The following IFT46 variants were observed in gnomAD, a reference collection of about 807,000 sequenced individuals.
The protein encoded by IFT46 is intraflagellar transport protein 46 homolog.
Under a neutral mutation model 39.6 loss-of-function variants are expected in IFT46, and 19 were observed. The ratio of observed to expected loss-of-function variants is 0.48; its 90% CI spans 0.33 to 0.70. The LOEUF (loss-of-function observed/expected upper bound fraction) is 0.70. IFT46 is among the 30% of genes least tolerant of loss of function. The pLI, the probability that IFT46 is intolerant of heterozygous loss-of-function variation, is 0.01. For synonymous variants in IFT46, 117 were observed against 134.8 expected (o/e 0.87, Z 0.91); for missense variants, 334 against 364.8 (o/e 0.92, Z 0.69).
At chr11:118,568,692 G>T (rs1457862220), upstream of IFT46, among the ~76,000 whole-genome samples, 1 of 150,876 alleles carries the variant, frequency 6.6e-6, no homozygotes, top group Non-Finnish European at 1.5e-5. Flanking sequence ...TTTGAGACAG[G>T]GTCTCACTCT....
rs1204808569 is a variant in IFT46 at position 118,559,706 on chromosome 11, T to C, written c.45+79A>G. On this transcript the variant is annotated intron_variant, in intron 3 of 11. Transcript: ENST00000264021. ...TGGAGGTGAGTGTTCAAGAAATGTT[T>C]ACCGTTGAACTGGTGTCATCTCTAA... The C allele has an allele frequency of 2.9e-5, 32 of 1,093,024 alleles. No individual in the cohort carries two copies. In the East Asian group the frequency reaches 7.4e-4, roughly 25 times the overall value. 67.7% of individuals were successfully genotyped at this position (1,093,024 alleles called of 1,614,324 possible).
At chr11:118,571,174 G>A (rs781793135) in intron 1 of IFT46, among the ~76,000 whole-genome samples, 39 of 151,982 alleles carry the variant, frequency 2.6e-4, no homozygotes, top group Non-Finnish European at 1.2e-4. Flanking sequence ...TTCTATTCTG[G>A]ATCTTTCGTA....
In IFT46 at chr11:118,559,856, G is replaced by C; in HGVS notation, c.-27C>G. 6.3e-7 allele frequency: 1 copy of C among 1,598,796 alleles called. No individual in the cohort carries two copies. The highest frequency in any genetic ancestry group is 8.6e-7 in the Non-Finnish European group (1 of 1,168,260). ...GCCTTGTTAGGAAGATGGGCAGAAC[G>C]AGGAAGTCCTTAGAAAAAAAGTTTT... On this transcript the variant is annotated 5_prime_UTR_variant, in exon 3 of 12. Transcript: ENST00000264021.
rs782782431 is a variant in IFT46, at chr11:118,544,880, C to T, written c.*36G>A. 2 of 1,459,948 alleles carry T rather than the reference C, an allele frequency of 1.4e-6. No homozygotes were observed. 90.4% of individuals were successfully genotyped at this position (1,459,948 alleles called of 1,614,324 possible). On this transcript the variant is annotated 3_prime_UTR_variant, in exon 12 of 12. Transcript: ENST00000264021. ...GTCCATCTCAGCTGGGGCAGAGGGG[C>T]CAGCTCAGCCTTGAAACAGCAGCTT...
At chr11:118,571,524 T>A (rs1464322165) in intron 1 of IFT46, among the ~76,000 whole-genome samples, 2 of 152,240 alleles carry the variant, frequency 1.3e-5, no homozygotes, top group African/African-American at 4.8e-5. Flanking sequence ...CCAACGTGGC[T>A]GCACTATTTT....
intron 9 of IFT46, among the ~76,000 whole-genome samples, chr11:118,548,045 CTTTT>C (rs544682715): frequency 3.1e-5 from 4 of 129,172 alleles, no homozygotes; most frequent in Admixed American, 7.8e-5. Context: ...CACGCCCAGC[CTTTT>C]TTTTTTTTTT....
intron 9 of IFT46, among the ~76,000 whole-genome samples, chr11:118,550,181 C>T (rs1336917169): frequency 6.6e-6 from 1 of 152,138 alleles, no homozygotes; most frequent in Non-Finnish European, 1.5e-5. Flanking sequence ...AGGTGATCTA[C>T]CTGCCTCGGC....
Position 118,554,452 on chromosome 11 carries a change from A to G in IFT46, c.483+7T>C, listed in dbSNP as rs1937759255. 1.2e-6 allele frequency: 2 copies of G among 1,602,336 alleles called. No individual in the cohort carries two copies. Among genetic ancestry groups the G allele is most frequent in the African/African-American group, 2.7e-5 (2 of 74,408 alleles). On this transcript the variant is annotated splice_region_variant and intron_variant, in intron 7 of 11. Transcript: ENST00000264021. ...CAGCTGGGGCCTATACTAAGCTAGT[A>G]TCTTACTGTGATGTTGTGCTGCTTA...
chr11:118,572,873 G>C (rs1938382417), exon 1 of IFT46: 2 of 376,606 alleles, frequency 5.3e-6, no homozygotes, highest in Non-Finnish European at 9.7e-6. Context: ...CGGGTCCCAG[G>C]CTGCGGACCT....
At chr11:118,575,556 T>C (rs1182728938), upstream of IFT46, among the ~76,000 whole-genome samples, 4 of 152,120 alleles carry the variant, frequency 2.6e-5, no homozygotes, top group African/African-American at 9.7e-5. Flanking sequence ...ATTGTAATCT[T>C]CTCTCTGATT....
intron 11 of IFT46, 63 bp downstream of exon 11, chr11:118,545,346 A>G: frequency 8.3e-7 from 1 of 1,210,306 alleles, no homozygotes; most frequent in African/African-American, 1.5e-5. Context: ...CAGCAGGCTC[A>G]GAACAGTAGA....
intron 6 of IFT46, 27 bp from the exon 7 acceptor site, chr11:118,554,614 G>A (rs373981387): frequency 1.9e-6 from 3 of 1,573,408 alleles, no homozygotes. Flanking sequence ...TAAGAAAGCA[G>A]AAAGGAAAAT....
chr11:118,569,879 G>GT (rs1938299987), upstream of IFT46, among the ~76,000 whole-genome samples: 1 of 151,954 alleles, frequency 6.6e-6, no homozygotes, highest in African/African-American at 2.4e-5. Flanking sequence ...AGCTGACTTT[G>GT]TTTTTTTGTT....
chr11:118,567,706 T>C (rs1229616975), upstream of IFT46, among the ~76,000 whole-genome samples: 1 of 152,270 alleles, frequency 6.6e-6, no homozygotes, highest in Non-Finnish European at 1.5e-5. Context: ...ATACTGATAG[T>C]TAAAAATAGA....
intron 9 of IFT46, among the ~76,000 whole-genome samples, chr11:118,547,739 CTTTTCTTTTTTTT>C (rs1951721793): frequency 8.3e-6 from 1 of 120,780 alleles, no homozygotes. Context: ...CTTTTCTTTT[CTTTTCTTTTTTTT>C]TTTTTTTTTT....
chr11:118,564,351 A>T (rs1938158389), intron 2 of IFT46, among the ~76,000 whole-genome samples: 1 of 152,048 alleles, frequency 6.6e-6, no homozygotes, highest in Non-Finnish European at 1.5e-5. Flanking sequence ...GATGGCAGGG[A>T]CATTGTGTCA....
upstream of IFT46, among the ~76,000 whole-genome samples, chr11:118,569,659 G>A (rs1052527351): frequency 4.6e-5 from 7 of 152,164 alleles, no homozygotes; most frequent in Non-Finnish European, 4.4e-5. Context: ...TTTTAGCCAT[G>A]AGACCTGTGG....
At chr11:118,556,470 G>A (rs1285843053) in intron 4 of IFT46, among the ~76,000 whole-genome samples, 4 of 152,100 alleles carry the variant, frequency 2.6e-5, no homozygotes, top group African/African-American at 9.7e-5. Flanking sequence ...TCCAGCCTGG[G>A]CGATAGAGCA....
At chr11:118,572,351 C>CA (rs1305142347) in intron 1 of IFT46, 1 of 135,942 alleles carries the variant, frequency 7.4e-6, no homozygotes, top group East Asian at 2.8e-4. Flanking sequence ...AGGCCCCGCC[C>CA]CCCCCCCCGC....
Sources: allele counts gnomAD v4.1 joint callset (sites outside exome capture counted in the v4.1 genomes callset), GRCh38; gene constraint gnomAD v4.1.1; transcripts MANE v1.5; gene names NCBI Gene and HGNC (gene_info 2026-07-23, HGNC 2026-07-21).